Variants in ZNF804A observed in about 807,000 individuals in gnomAD.
ZNF804A encodes the protein zinc finger protein 804A.
ZNF804A carries 2 observed loss-of-function variants against 16.5 expected under a neutral mutation model. The ratio of observed to expected loss-of-function variants is 0.12; its 90% CI spans 0.05 to 0.38. The LOEUF (loss-of-function observed/expected upper bound fraction) is 0.38, where lower values mean the gene tolerates loss of function less well. Ranked by LOEUF, ZNF804A falls within the 10% of genes least tolerant of loss-of-function variation. The pLI, the probability that ZNF804A is intolerant of heterozygous loss-of-function variation, is 0.99. For synonymous variants in ZNF804A, 534 were observed against 489.6 expected, an observed-to-expected ratio of 1.09 and a Z score of -1.20; for missense variants, 1,473 against 1,390.7, an observed-to-expected ratio of 1.06 and a Z score of -0.94.
intron 2 of ZNF804A, among the ~76,000 whole-genome samples, chr2:184,903,145 C>T (rs1173640703): frequency 1.3e-5 from 2 of 152,056 alleles, no homozygotes; most frequent in Non-Finnish European, 2.9e-5. Flanking sequence ...TTTATCAGTA[C>T]TTTCTATTTT....
intron 1 of ZNF804A, among the ~76,000 whole-genome samples, chr2:184,770,043 C>T (rs1404795488): frequency 6.6e-6 from 1 of 151,856 alleles, no homozygotes; most frequent in Non-Finnish European, 1.5e-5. Context: ...GATAAATAAG[C>T]TTAAGTATAT....
intron 1 of ZNF804A, among the ~76,000 whole-genome samples, chr2:184,854,909 C>T (rs1011132507): frequency 2.6e-5 from 4 of 151,876 alleles, no homozygotes; most frequent in Admixed American, 2.6e-4. Flanking sequence ...GAATATTCAA[C>T]AGAATGGTTG....
chr2:184,872,382 A>T (rs1288238512), intron 2 of ZNF804A, among the ~76,000 whole-genome samples: 1 of 152,132 alleles, frequency 6.6e-6, no homozygotes, highest in East Asian at 1.9e-4. Flanking sequence ...TGCAGAAACA[A>T]AGCTATCATT....
intron 1 of ZNF804A, among the ~76,000 whole-genome samples, chr2:184,725,532 A>G (rs1693395994): frequency 6.6e-6 from 1 of 151,660 alleles, no homozygotes. Context: ...AGGAATATTT[A>G]TAGACTCACA....
At chr2:184,708,490 G>T (rs964882326) in intron 1 of ZNF804A, among the ~76,000 whole-genome samples, 21 of 152,074 alleles carry the variant, frequency 1.4e-4, no homozygotes, top group Admixed American at 3.9e-4. Context: ...CAGAAATAAA[G>T]CTGCACACCT....
chr2:184,875,766 TAAA>T (rs562501754), intron 2 of ZNF804A, among the ~76,000 whole-genome samples: 17 of 120,298 alleles, frequency 1.4e-4, no homozygotes, highest in African/African-American at 3.0e-4. Context: ...TCATTGACAT[TAAA>T]AAAAAAAAAA....
chr2:184,837,871 C>T (rs1695378824), intron 1 of ZNF804A, among the ~76,000 whole-genome samples: 1 of 152,126 alleles, frequency 6.6e-6, no homozygotes, highest in South Asian at 2.1e-4. Flanking sequence ...TGGAAGCCTT[C>T]TCAGTGGCTT....
intron 2 of ZNF804A, among the ~76,000 whole-genome samples, chr2:184,886,939 G>A (rs769458907): frequency 2.0e-5 from 3 of 152,220 alleles, no homozygotes; most frequent in Non-Finnish European, 2.9e-5. Context: ...ATTAACATCA[G>A]GTTCTTTGCT....
At chr2:184,608,011 T>G (rs1691178424) in intron 1 of ZNF804A, among the ~76,000 whole-genome samples, 1 of 118,126 alleles carries the variant, frequency 8.5e-6, no homozygotes, top group Non-Finnish European at 1.6e-5. Context: ...AGTGGCGGGA[T>G]CTCGGCTCAC....
intron 2 of ZNF804A, among the ~76,000 whole-genome samples, chr2:184,888,537 C>T (rs1178456211): frequency 6.6e-6 from 1 of 152,126 alleles, no homozygotes; most frequent in Non-Finnish European, 1.5e-5. Context: ...TAAGCATAGG[C>T]ATCTCATCCC....
At chr2:184,793,690 C>T (rs1342506900) in intron 1 of ZNF804A, among the ~76,000 whole-genome samples, 2 of 152,046 alleles carry the variant, frequency 1.3e-5, no homozygotes, top group East Asian at 3.8e-4. Context: ...ATACACTACA[C>T]CCAATTTGTA....
At chr2:184,744,605 A>G (rs1354037824) in intron 1 of ZNF804A, among the ~76,000 whole-genome samples, 2 of 151,922 alleles carry the variant, frequency 1.3e-5, no homozygotes, top group African/African-American at 4.8e-5. Context: ...GAACCATGAG[A>G]AGGGAATTTC....
chr2:184,668,808 C>T (rs1014427632), intron 1 of ZNF804A, among the ~76,000 whole-genome samples: 6 of 151,836 alleles, frequency 4.0e-5, no homozygotes, highest in Non-Finnish European at 7.4e-5. Context: ...TATATTATGT[C>T]TATGGAAATA....
At chr2:184,673,094 G>GA (rs1331657799) in intron 1 of ZNF804A, among the ~76,000 whole-genome samples, 2 of 150,582 alleles carry the variant, frequency 1.3e-5, no homozygotes, top group Admixed American at 6.6e-5. Context: ...AAGGAGAAAA[G>GA]AAAAAAATGA....
intron 1 of ZNF804A, among the ~76,000 whole-genome samples, chr2:184,842,223 T>C (rs1187705629): frequency 3.3e-5 from 5 of 152,142 alleles, no homozygotes; most frequent in African/African-American, 1.2e-4. Flanking sequence ...GCACAGACTA[T>C]CACTCCCATT....
intron 1 of ZNF804A, among the ~76,000 whole-genome samples, chr2:184,632,566 T>G (rs897841448): frequency 6.6e-6 from 1 of 152,194 alleles, no homozygotes; most frequent in Non-Finnish European, 1.5e-5. Context: ...TGGCTAATTT[T>G]TGTATTTTTT....
At chr2:184,792,897 T>C (rs990183523) in intron 1 of ZNF804A, among the ~76,000 whole-genome samples, 6 of 152,030 alleles carry the variant, frequency 3.9e-5, no homozygotes, top group African/African-American at 1.2e-4. Flanking sequence ...TAGTACCCAA[T>C]AGGTAGTTTT....
intron 1 of ZNF804A, among the ~76,000 whole-genome samples, chr2:184,809,512 G>A (rs892572639): frequency 6.6e-6 from 1 of 151,758 alleles, no homozygotes; most frequent in African/African-American, 2.4e-5. Context: ...TTTTTATTTA[G>A]TCATTGAAAA....
chr2:184,690,144 G>A (rs1326347616), intron 1 of ZNF804A, among the ~76,000 whole-genome samples: 9 of 150,400 alleles, frequency 6.0e-5, no homozygotes, highest in Admixed American at 4.6e-4. Flanking sequence ...ATAAAAATTA[G>A]TTTGCCCTAC....
Sources: gnomAD v4.1 joint callset for allele counts (sites outside exome capture counted in the v4.1 genomes callset) on GRCh38, gnomAD v4.1.1 for gene constraint, MANE v1.5 for transcripts, NCBI Gene and HGNC (gene_info 2026-07-23, HGNC 2026-07-21) for gene names.